The following AGBL4 variants were observed in gnomAD, a reference collection of about 807,000 sequenced individuals.
The protein encoded by AGBL4 is AGBL carboxypeptidase 4, also known as cytosolic carboxypeptidase 6.
Under a neutral mutation model 66.4 loss-of-function variants are expected in AGBL4, and 58 were observed. That is an observed-to-expected ratio of 0.87 (90% CI 0.71 to 1.09). The LOEUF (loss-of-function observed/expected upper bound fraction) is 1.09. AGBL4 is among the 50% of genes least tolerant of loss of function. The probability of loss-of-function intolerance (pLI) is 0.00; values close to 1 mark genes in which losing one functional copy is unlikely to be tolerated. For missense variants in AGBL4, 579 were observed against 631.0 expected (o/e 0.92, Z 0.88); for synonymous variants, 234 against 222.9 (o/e 1.05, Z -0.44).
intron 6 of AGBL4, among the ~76,000 whole-genome samples, chr1:48,751,421 G>A (rs545025485): frequency 5.3e-5 from 8 of 152,290 alleles, no homozygotes; most frequent in Middle Eastern, 3.4e-3. Flanking sequence ...ACTGCCTGAC[G>A]CATGGCAAAG....
chr1:49,847,846 C>T lies in AGBL4; in HGVS notation c.157+3550G>A, dbSNP rs188237163. On this transcript the variant is annotated intron_variant, in intron 2 of 13. Coordinates refer to ENST00000371839, the MANE Select transcript of AGBL4 (RefSeq NM_032785.4). The stretch of plus-strand genomic sequence containing the variant: ...TCTCCCGAGTAGCTGGGACTATAGG[C>T]GCCCGCCACCTCGCCCGACTAATTT... 1.8e-4 allele frequency among the ~76,000 whole-genome samples: 27 copies of T among 151,970 alleles called. 1 individual carries two copies. Among genetic ancestry groups the T allele is most frequent in the Middle Eastern group, 3.4e-3 (1 of 292 alleles).
chr1:48,876,024 C>T (rs550484216), intron 5 of AGBL4, among the ~76,000 whole-genome samples: 97 of 152,272 alleles, frequency 6.4e-4, no homozygotes, highest in South Asian at 1.7e-3. Flanking sequence ...CACCACACAC[C>T]TGGAGCAGCC....
intron 3 of AGBL4, among the ~76,000 whole-genome samples, chr1:49,270,093 G>A (rs1043463640): frequency 2.0e-5 from 3 of 152,096 alleles, no homozygotes; most frequent in African/African-American, 7.2e-5. Flanking sequence ...TTTGATTAAC[G>A]GGAGAAAAGG....
intron 1 of AGBL4, among the ~76,000 whole-genome samples, chr1:49,921,940 A>C (rs1244857197): frequency 6.6e-6 from 1 of 152,144 alleles, no homozygotes; most frequent in Non-Finnish European, 1.5e-5. Context: ...ACAACCAAAA[A>C]AATACTTTAC....
In AGBL4 at chr1:49,396,371, TG is replaced by T. The variant is rs113068474; in HGVS notation, c.283-150508del. ...GTGTGTGCGTGTGTGTATGAATGTGTGTGTGTGTGCGTGTGCACATGCATCT... is the reference window on the plus strand; with the variant it reads ...GTGTGTGCGTGTGTGTATGAATGTGTTGTGTGTGCGTGTGCACATGCATCT... On this transcript the variant is annotated intron_variant, in intron 3 of 13. Coordinates refer to ENST00000371839, the MANE Select transcript of AGBL4 (RefSeq NM_032785.4). 1.9e-3 allele frequency among the ~76,000 whole-genome samples: 290 copies of T among 151,586 alleles called. 2 individuals are homozygous for T. The highest frequency in any genetic ancestry group is 6.6e-3 in the African/African-American group (275 of 41,458).
At chr1:48,798,962 G>C (rs773038793) in intron 6 of AGBL4, among the ~76,000 whole-genome samples, 70 of 152,254 alleles carry the variant, frequency 4.6e-4, no homozygotes, top group Middle Eastern at 3.4e-3. Context: ...GATGCCTCCA[G>C]ATTTGTTTTT....
At chr1:49,817,794 T>C (rs972258869) in intron 2 of AGBL4, among the ~76,000 whole-genome samples, 42 of 152,224 alleles carry the variant, frequency 2.8e-4, no homozygotes, top group African/African-American at 9.4e-4. Context: ...AGAAATTAAT[T>C]TGGCATTAGA....
At chr1:49,465,656 G>A (rs1394193886) in intron 3 of AGBL4, among the ~76,000 whole-genome samples, 4 of 151,810 alleles carry the variant, frequency 2.6e-5, no homozygotes, top group Admixed American at 2.6e-4. Context: ...GGTAATACAA[G>A]CATTCCTAAG....
At chr1:48,654,728 C>T (rs560609375) in intron 7 of AGBL4, among the ~76,000 whole-genome samples, 49 of 152,320 alleles carry the variant, frequency 3.2e-4, no homozygotes, top group Admixed American at 2.4e-3. Flanking sequence ...CTCCAGAGCA[C>T]ATTCCAGAGC....
At chr1:49,990,796 G>A (rs1237167631) in intron 1 of AGBL4, among the ~76,000 whole-genome samples, 2 of 152,060 alleles carry the variant, frequency 1.3e-5, no homozygotes, top group Non-Finnish European at 2.9e-5. Flanking sequence ...CCTCTGAATA[G>A]GTTTGTAAGG....
chr1:49,062,268 C>A (rs2147913624), intron 4 of AGBL4, among the ~76,000 whole-genome samples: 1 of 152,274 alleles, frequency 6.6e-6, no homozygotes. Context: ...AGTTACTTAT[C>A]TTTGGTCTCA....
intron 3 of AGBL4, among the ~76,000 whole-genome samples, chr1:49,511,185 G>A (rs1449911262): frequency 6.6e-6 from 1 of 151,654 alleles, no homozygotes; most frequent in East Asian, 1.9e-4. Context: ...ATTCACAATA[G>A]CAAAGACTTG....
At chr1:48,603,103 G>A (rs79056761) in intron 9 of AGBL4, among the ~76,000 whole-genome samples, 1,750 of 152,340 alleles carry the variant, frequency 0.011, 37 homozygotes, top group African/African-American at 0.04. Context: ...CCCTCCAGTG[G>A]AGAGAAAGAC....
At chr1:49,407,647 C>T (rs1157446272) in intron 3 of AGBL4, among the ~76,000 whole-genome samples, 1 of 151,294 alleles carries the variant, frequency 6.6e-6, no homozygotes, top group Admixed American at 6.6e-5. Context: ...ACAAAGGAAA[C>T]AAATGATCTT....
intron 4 of AGBL4, among the ~76,000 whole-genome samples, chr1:49,172,798 T>A (rs1646762584): frequency 6.6e-6 from 1 of 152,136 alleles, no homozygotes; most frequent in South Asian, 2.1e-4. Context: ...GGTAGGGGTT[T>A]AAGTAGGATA....
intron 5 of AGBL4, among the ~76,000 whole-genome samples, chr1:48,871,580 C>CCCTGATATCCCTGTTT (rs1648681886): frequency 1.3e-5 from 2 of 152,078 alleles, no homozygotes; most frequent in Non-Finnish European, 2.9e-5. Context: ...ATGACCCCTG[C>CCCTGATATCCCTGTTT]ATCCAGCCTT....
Position 48,534,879 on chromosome 1 carries a change from C to T in AGBL4, c.1391+11G>A. The T allele has an allele frequency of 6.4e-7, 1 of 1,551,194 alleles. No homozygotes were observed. Among genetic ancestry groups the T allele is most frequent in the East Asian group, 2.4e-5 (1 of 40,912 alleles). On this transcript the variant is annotated intron_variant, in intron 13 of 13. Coordinates refer to ENST00000371839, the MANE Select transcript of AGBL4 (RefSeq NM_032785.4). ...ACTTACGGGCAATGTCATCTTGAAG[C>T]AGTTCCTTACCTTCTCTGGACTTCT...
In AGBL4 at chr1:48,663,157, C is replaced by T; in HGVS notation, c.719G>A (p.Cys240Tyr). 1 of 1,613,924 alleles carries T rather than the reference C, an allele frequency of 6.2e-7. No homozygotes were observed. The highest frequency in any genetic ancestry group is 8.5e-7 in the Non-Finnish European group (1 of 1,179,856). ...TATGAGATCCTGCCACTCACCTTGG[C>T]ACACAAATGATGAGGGTGTTTCCCC... ...HPGETPSSFV[C>Y]QGIIDFLVSQ... Residue 240 changes from cysteine to tyrosine, a missense_variant, in exon 7 of 14, where the codon TGC becomes TAC. Physicochemically the swap from Cys to Tyr is radical, Grantham distance 194 (BLOSUM62 -2). Coordinates refer to ENST00000371839, the MANE Select transcript of AGBL4 (RefSeq NM_032785.4).
At chr1:49,465,658 A>C (rs1465943832) in intron 3 of AGBL4, among the ~76,000 whole-genome samples, 3 of 151,880 alleles carry the variant, frequency 2.0e-5, no homozygotes, top group African/African-American at 7.2e-5. Context: ...TAATACAAGC[A>C]TTCCTAAGAA....
Sources: allele counts gnomAD v4.1 joint callset (sites outside exome capture counted in the v4.1 genomes callset), GRCh38; gene constraint gnomAD v4.1.1; transcripts MANE v1.5; gene names NCBI Gene and HGNC (gene_info 2026-07-23, HGNC 2026-07-21).